CCDC88C: variants seen among roughly 807,000 people sequenced by gnomAD.
The protein encoded by CCDC88C is protein Daple.
Under a neutral mutation model 198.8 loss-of-function variants are expected in CCDC88C, and 131 were observed. That is an observed-to-expected ratio of 0.66 (90% CI 0.57 to 0.76). The LOEUF (loss-of-function observed/expected upper bound fraction) is 0.76, where lower values mean the gene tolerates loss of function less well. CCDC88C is among the 30% of genes least tolerant of loss of function. The pLI is 0.00. For synonymous variants in CCDC88C, 1,166 were observed against 1,114.7 expected (o/e 1.05, Z -0.92); for missense variants, 2,553 against 2,631.6 (o/e 0.97, Z 0.65).
Position 91,283,454 on chromosome 14 carries a change from G to A in CCDC88C, c.4505C>T (p.Ala1502Val). 6.2e-7 allele frequency: 1 copy of A among 1,613,278 alleles called. No homozygotes were observed. Among genetic ancestry groups the A allele is most frequent in the African/African-American group, 1.3e-5 (1 of 75,052 alleles). Residue 1502 changes from alanine to valine, a missense_variant, in exon 26 of 30, where the codon GCC becomes GTC. Ala to Val is a moderately conservative substitution (Grantham distance 64, BLOSUM62 0). Transcript: ENST00000389857. ...PHRGSLDRTD[A>V]STDLAMRSWP... ...GGACCTCATGGCCAGATCGGTGGAG[G>A]CATCTGTGCGGTCAAGGCTGCCTCT...
rs548900771 is a variant in CCDC88C, at chr14:91,338,493, T to C, written c.887A>G (p.Gln296Arg). The C allele has an allele frequency of 8.3e-6, 13 of 1,565,080 alleles. No homozygotes were observed. Among genetic ancestry groups the C allele is most frequent in the South Asian group, 8.3e-5 (7 of 84,662 alleles). ...QLVLELQKVK[Q>R]ENIQLAADAR... ...AGGCTCAGGCCCCCGACTCACCTCC[T>C]GCTTAACTTTCTGCAGTTCCAGCAC... The change falls in exon 9 of 30, where the codon CAG becomes CGG. Residue 296 changes from glutamine to arginine, a missense_variant. Gln to Arg is a conservative substitution (Grantham distance 43, BLOSUM62 1). Around this residue, in one of 2 missense-constraint regions of CCDC88C, gnomAD observed 1,260 missense variants for 1,412.0 expected, o/e 0.89. Coordinates refer to ENST00000389857, the MANE Select transcript of CCDC88C (RefSeq NM_001080414.4). The surrounding 1 kb of genome is among the most constrained non-coding windows in gnomAD (Gnocchi z 4.8).
At chr14:91,318,204 G>A (rs57208917) in intron 13 of CCDC88C, among the ~76,000 whole-genome samples, 78,170 of 151,906 alleles carry the variant, frequency 0.51, 23,006 homozygotes, top group Non-Finnish European at 0.66. Flanking sequence ...AGGACTGCTT[G>A]AGCCCAGGGG....
At chr14:91,291,246 G>A (rs1336978274) in intron 23 of CCDC88C, among the ~76,000 whole-genome samples, 162 bp from the exon 24 acceptor site, 1 of 152,194 alleles carries the variant, frequency 6.6e-6, no homozygotes, top group African/African-American at 2.4e-5. Context: ...TTTGGAATAC[G>A]GGAATGGTGG....
intron 3 of CCDC88C, among the ~76,000 whole-genome samples, chr14:91,387,903 C>T (rs1430559648): frequency 6.6e-6 from 1 of 152,234 alleles, no homozygotes; most frequent in Non-Finnish European, 1.5e-5. Flanking sequence ...GTCGGAATCA[C>T]CTCAGACAAC....
rs574858771 is a variant in CCDC88C, at chr14:91,378,106, G to A, written c.271-18395C>T. Among the ~76,000 whole-genome samples the A allele has an allele frequency of 1.5e-4, 23 of 152,316 alleles. No individual in the cohort carries two copies. In the South Asian group the frequency reaches 1.7e-3, roughly 11 times the overall value. ...ATTACCAGCTCATTAAAAGACACACGCACATGTGGAAATGATTAGTGGGTG... is the reference window on the plus strand; with the variant it reads ...ATTACCAGCTCATTAAAAGACACACACACATGTGGAAATGATTAGTGGGTG... On this transcript the variant is annotated intron_variant, in intron 3 of 29. Coordinates refer to ENST00000389857, the MANE Select transcript of CCDC88C (RefSeq NM_001080414.4).
chr14:91,337,501 G>A (rs1226859326), intron 10 of CCDC88C, among the ~76,000 whole-genome samples: 1 of 152,166 alleles, frequency 6.6e-6, no homozygotes, highest in Admixed American at 6.5e-5. Flanking sequence ...CACTATGCCT[G>A]GCTAAATTTT....
At chr14:91,392,205 A>G (rs573410989) in intron 3 of CCDC88C, among the ~76,000 whole-genome samples, 7 of 152,114 alleles carry the variant, frequency 4.6e-5, no homozygotes, top group Non-Finnish European at 1.0e-4. Context: ...ACCTGTACCT[A>G]GGAGGAGTTC....
At chr14:91,355,541 C>A (rs185817557) in intron 4 of CCDC88C, among the ~76,000 whole-genome samples, 136 of 152,238 alleles carry the variant, frequency 8.9e-4, no homozygotes, top group African/African-American at 3.2e-3. Context: ...AACCACAGCA[C>A]CATCAGAGCA....
intron 3 of CCDC88C, among the ~76,000 whole-genome samples, chr14:91,385,196 C>T (rs970830778): frequency 1.3e-5 from 2 of 152,170 alleles, no homozygotes; most frequent in African/African-American, 2.4e-5. Flanking sequence ...TGTCACCCAC[C>T]GGCCAGGAGG....
At chr14:91,383,091 T>G (rs1848561492) in intron 3 of CCDC88C, among the ~76,000 whole-genome samples, 1 of 152,182 alleles carries the variant, frequency 6.6e-6, no homozygotes, top group African/African-American at 2.4e-5. Flanking sequence ...TCCCAGCACC[T>G]TCCAGCCCAG....
intron 3 of CCDC88C, among the ~76,000 whole-genome samples, chr14:91,403,361 C>T (rs1177829913): frequency 6.6e-6 from 1 of 152,208 alleles, no homozygotes; most frequent in Non-Finnish European, 1.5e-5. Context: ...TCCCGCCATA[C>T]AAAGCCAAAG....
chr14:91,387,207 C>T (rs1396071676), intron 3 of CCDC88C, among the ~76,000 whole-genome samples: 5 of 152,282 alleles, frequency 3.3e-5, no homozygotes, highest in East Asian at 1.9e-4. Context: ...ACAATGTTTA[C>T]GCAAAGATAA....
chr14:91,365,847 G>C (rs1336350741), intron 3 of CCDC88C, among the ~76,000 whole-genome samples: 1 of 152,146 alleles, frequency 6.6e-6, no homozygotes, highest in Non-Finnish European at 1.5e-5. Flanking sequence ...TAACGCTGGG[G>C]AACGGTTCAG....
rs983471143 is a variant in CCDC88C at position 91,273,265 on chromosome 14, C to T, written c.5447G>A (p.Ser1816Asn). 2 of 1,559,066 alleles carry T rather than the reference C, an allele frequency of 1.3e-6. No homozygotes were observed. Among genetic ancestry groups the T allele is most frequent in the Admixed American group, 3.8e-5 (2 of 52,038 alleles). Reference sequence around the variant, plus strand: ...CTCCTGTTTGCAGGCCTCTGGCCCGCTGGCCCGGAGAAGGTCAGCTGAGGC... The same window carrying T: ...CTCCTGTTTGCAGGCCTCTGGCCCGTTGGCCCGGAGAAGGTCAGCTGAGGC... ...SLASADLLRA[S>N]GPEACKQESP... Residue 1816 changes from serine to asparagine, a missense_variant, in exon 30 of 30, where the codon AGC (serine) becomes AAC (asparagine). By Grantham distance (46) the Ser-to-Asn change is conservative. Transcript: ENST00000389857. The surrounding 1 kb of genome is among the most constrained non-coding windows in gnomAD (Gnocchi z 5.6).
chr14:91,283,071 C>A (rs1247923345), intron 26 of CCDC88C, among the ~76,000 whole-genome samples: 1 of 152,254 alleles, frequency 6.6e-6, no homozygotes, highest in African/African-American at 2.4e-5. Flanking sequence ...TTGGTGCCTT[C>A]ATTTCCTGAA....
chr14:91,339,558 GAT>G lies in CCDC88C; in HGVS notation c.625-98_625-97del. Reference sequence around the variant, plus strand: ...AGGGTGAAGAAACCGCCAAAAGACAGATATTTCAGCGGAGACTAAGAAACGAG... The same window carrying G: ...AGGGTGAAGAAACCGCCAAAAGACAGATTTCAGCGGAGACTAAGAAACGAG... On this transcript the variant is annotated intron_variant, in intron 7 of 29. Transcript: ENST00000389857. The surrounding 1 kb of genome is among the most constrained non-coding windows in gnomAD (Gnocchi z 5.8). 1 of 1,218,250 alleles carries G rather than the reference GAT, an allele frequency of 8.2e-7. No individual in the cohort carries two copies. The highest frequency in any genetic ancestry group is 2.0e-4 in the Middle Eastern group (1 of 5,058). The allele number at this position is 1,218,250 out of a possible 1,614,324, so 75.5% of individuals were successfully genotyped here.
chr14:91,355,596 A>G (rs1170892624), intron 4 of CCDC88C, among the ~76,000 whole-genome samples: 3 of 152,182 alleles, frequency 2.0e-5, no homozygotes, highest in African/African-American at 7.2e-5. Context: ...TAAGGGAGTG[A>G]GGAGTTTGGG....
At chr14:91,282,549 CTGATT>C (rs1288880091) in intron 26 of CCDC88C, among the ~76,000 whole-genome samples, 1 of 152,126 alleles carries the variant, frequency 6.6e-6, no homozygotes, top group South Asian at 2.1e-4. Flanking sequence ...TCTCTTGTCT[CTGATT>C]TGAGTGTCAC....
chr14:91,309,733 A>G, intron 16 of CCDC88C, 126 bp downstream of exon 16: 1 of 944,126 alleles, frequency 1.1e-6, no homozygotes, highest in Non-Finnish European at 1.4e-6. Context: ...GGTTCAAGGA[A>G]CCGCGTGAGG....
Sources: allele counts gnomAD v4.1 joint callset (sites outside exome capture counted in the v4.1 genomes callset), GRCh38; gene constraint gnomAD v4.1.1; regional missense constraint gnomAD v4.1.1; non-coding constraint Gnocchi (gnomAD v3.1); transcripts MANE v1.5; gene names NCBI Gene and HGNC (gene_info 2026-07-23, HGNC 2026-07-21).